The following CBFA2T2 variants were observed in gnomAD, a reference collection of about 807,000 sequenced individuals.
CBFA2T2 encodes the protein CBFA2/RUNX1 partner transcriptional co-repressor 2, also known as protein CBFA2T2.
CBFA2T2 carries 11 observed loss-of-function variants against 62.2 expected under a neutral mutation model. The ratio of observed to expected loss-of-function variants is 0.18; its 90% confidence interval spans 0.11 to 0.29. CBFA2T2 has a LOEUF of 0.29. Among genes scored for constraint, CBFA2T2 ranks in the 10% least tolerant of loss-of-function variants. The pLI is 1.00. For synonymous variants in CBFA2T2, 295 were observed against 287.5 expected, an observed-to-expected ratio of 1.03 and a Z score of -0.27; for missense variants, 592 against 774.1, an observed-to-expected ratio of 0.76 and a Z score of 2.79.
Position 33,506,468 on chromosome 20 carries a change from A to G in CBFA2T2, c.34+16167A>G, listed in dbSNP as rs551754626. Among the ~76,000 whole-genome samples the G allele has an allele frequency of 3.3e-5, 5 of 152,330 alleles. No individual in the cohort carries two copies. In the South Asian group the frequency reaches 8.3e-4, roughly 25 times the overall value. On this transcript the variant is annotated intron_variant, in intron 1 of 10. Coordinates refer to ENST00000342704, the MANE Select transcript of CBFA2T2 (RefSeq NM_001032999.3). ...CTTCCTACACTAAGTGAAACCATTA[A>G]CAACTGTATTATGGAGCTGTTAGAT...
At chr20:33,551,219 CTT>C (rs1167930785) in intron 1 of CBFA2T2, among the ~76,000 whole-genome samples, 14 of 137,584 alleles carry the variant, frequency 1.0e-4, no homozygotes, top group Admixed American at 2.2e-4. Flanking sequence ...ATTTTCTGTG[CTT>C]TTTTTTTTTT....
chr20:33,630,910 C>T (rs902155957), intron 8 of CBFA2T2, among the ~76,000 whole-genome samples: 3 of 152,226 alleles, frequency 2.0e-5, no homozygotes, highest in Non-Finnish European at 1.5e-5. Flanking sequence ...ACCCCACCCA[C>T]AGCAGCAGCT....
At chr20:33,494,243 GTATATATATATATATATA>G (rs869164142) in intron 1 of CBFA2T2, among the ~76,000 whole-genome samples, 1 of 30,308 alleles carries the variant, frequency 3.3e-5, no homozygotes, top group African/African-American at 1.1e-4. Flanking sequence ...ATATATATGT[GTATATATATATATATATA>G]TATATATATA....
At position 33,629,810 on chromosome 20, in the gene CBFA2T2, A is replaced by T. The variant is rs763589402; in HGVS notation, c.1124A>T (p.Asn375Ile). ...RCQESDREEL[N>I]YWKRRYNENT... ...CAGGAATCAGATCGTGAAGAACTCA[A>T]CTACTGGAAAAGACGGTACAATGAA... Residue 375 changes from asparagine to isoleucine, a missense_variant, in exon 8 of 11, where the codon AAC (asparagine) becomes ATC (isoleucine). By Grantham distance (149) the Asn-to-Ile change is moderately radical. Around this residue, in one of 3 missense-constraint regions of CBFA2T2, gnomAD observed 449 missense variants for 551.2 expected, o/e 0.81. Coordinates refer to ENST00000342704, the MANE Select transcript of CBFA2T2 (RefSeq NM_001032999.3). 11 of 1,614,126 alleles carry T rather than the reference A, an allele frequency of 6.8e-6. No individual in the cohort carries two copies. In the South Asian group the frequency reaches 1.2e-4, roughly 18 times the overall value.
At chr20:33,545,012 G>GAATAGAATA (rs2012510081) in intron 1 of CBFA2T2, among the ~76,000 whole-genome samples, 1 of 139,878 alleles carries the variant, frequency 7.1e-6, no homozygotes, top group Non-Finnish European at 1.6e-5. Context: ...GAATAGAATA[G>GAATAGAATA]AACAGAACAG....
chr20:33,576,991 A>ATTTAGTTCAATGCC lies in CBFA2T2; in HGVS notation c.35-29965_35-29964insTTTAGTTCAATGCC, dbSNP rs1400361909. Among the ~76,000 whole-genome samples, 48 of 152,236 alleles carry ATTTAGTTCAATGCC rather than the reference A, an allele frequency of 3.2e-4. 1 individual carries two copies. The highest frequency in any genetic ancestry group is 5.9e-4 in the Non-Finnish European group (40 of 68,038). On this transcript the variant is annotated intron_variant, in intron 1 of 10. Coordinates refer to ENST00000342704, the MANE Select transcript of CBFA2T2 (RefSeq NM_001032999.3). Reference sequence around the variant, plus strand: ...CTGTCCTAATTTTAGTTCAATGCCAAAAAAAGATGGAGCACTCCATAATAG... The same window carrying ATTTAGTTCAATGCC: ...CTGTCCTAATTTTAGTTCAATGCCAATTTAGTTCAATGCCAAAAAGATGGAGCACTCCATAATAG...
chr20:33,498,246 T>G (rs1331042467), intron 1 of CBFA2T2, among the ~76,000 whole-genome samples: 3 of 150,442 alleles, frequency 2.0e-5, no homozygotes, highest in Non-Finnish European at 4.4e-5. Context: ...TAATTTTCTT[T>G]CTTTTTTTTT....
intron 10 of CBFA2T2, 71 bp downstream of exon 10, chr20:33,640,602 C>T (rs998186457): frequency 1.3e-5 from 19 of 1,419,182 alleles, no homozygotes; most frequent in East Asian, 4.6e-5. Context: ...TCCTCTCATA[C>T]GCTGGGCAGG....
chr20:33,549,239 TCCTC>T (rs757433282), intron 1 of CBFA2T2, among the ~76,000 whole-genome samples: 2 of 150,922 alleles, frequency 1.3e-5, no homozygotes, highest in Non-Finnish European at 2.9e-5. Flanking sequence ...GCTTGGGAAA[TCCTC>T]CCTCCATAAA....
At chr20:33,601,421 C>T (rs538930145) in intron 1 of CBFA2T2, among the ~76,000 whole-genome samples, 5 of 152,162 alleles carry the variant, frequency 3.3e-5, no homozygotes, top group South Asian at 2.1e-4. Flanking sequence ...TGTGCCACCA[C>T]GCCCAACTCA....
In CBFA2T2 at chr20:33,627,391, G is replaced by A. The variant is rs118167551; in HGVS notation, c.947-959G>A. Among the ~76,000 whole-genome samples the A allele has an allele frequency of 3.3e-5, 5 of 151,886 alleles. No homozygotes were observed. The East Asian group carries it at 5.8e-4, about 18-fold the overall frequency. The stretch of plus-strand genomic sequence containing the variant: ...CATCCTGGCAACAGAGTGAGACTCC[G>A]TCAAGGGGGGGGAAAAAAACTGGCT... On this transcript the variant is annotated intron_variant, in intron 6 of 10. Transcript: ENST00000342704.
At chr20:33,595,221 T>A (rs116204585) in intron 1 of CBFA2T2, among the ~76,000 whole-genome samples, 3,365 of 152,024 alleles carry the variant, frequency 0.022, 113 homozygotes, top group African/African-American at 0.077. Flanking sequence ...TTGAAAAAAT[T>A]TTTTTTTTGA....
Position 33,640,546 on chromosome 20 carries a change from C to A in CBFA2T2, c.1488+15C>A, listed in dbSNP as rs1167442366. On this transcript the variant is annotated intron_variant, in intron 10 of 10. Transcript: ENST00000342704. ...AGTCCACGGAGGTCAGAGCTCTGCG[C>A]CCTGGGGGCTGGGGTGAGCAGCTGG... 1 of 1,612,966 alleles carries A rather than the reference C, an allele frequency of 6.2e-7. No homozygotes were observed. The highest frequency in any genetic ancestry group is 1.1e-5 in the South Asian group (1 of 91,008).
At chr20:33,542,059 AGTGT>A (rs1005244249) in intron 1 of CBFA2T2, among the ~76,000 whole-genome samples, 10 of 152,094 alleles carry the variant, frequency 6.6e-5, no homozygotes, top group Non-Finnish European at 1.5e-4. Context: ...CTCAAACTTT[AGTGT>A]ATAGAGGAGT....
At position 33,497,728 on chromosome 20, in the gene CBFA2T2, T is replaced by G. The variant is rs2011219442; in HGVS notation, c.34+7427T>G. Among the ~76,000 whole-genome samples, 3 of 152,110 alleles carry G rather than the reference T, an allele frequency of 2.0e-5. No homozygotes were observed. The South Asian group carries it at 6.2e-4, about 31-fold the overall frequency. On this transcript the variant is annotated intron_variant, in intron 1 of 10. Coordinates refer to ENST00000342704, the MANE Select transcript of CBFA2T2 (RefSeq NM_001032999.3). ...CCACGCCCAGCTAATTTTTGTATTT[T>G]TAGTAGAGATGGGGTTTCACCATGT...
At position 33,561,312 on chromosome 20, in the gene CBFA2T2, C is replaced by T. The variant is rs572600243; in HGVS notation, c.35-45644C>T. ...CTGATCTCAAACGCCTGAGCTCAAG[C>T]GACCTGACCACCTTGGCCTCCCAAA... On this transcript the variant is annotated intron_variant, in intron 1 of 10. Coordinates refer to ENST00000342704, the MANE Select transcript of CBFA2T2 (RefSeq NM_001032999.3). Among the ~76,000 whole-genome samples, 15 of 152,298 alleles carry T rather than the reference C, an allele frequency of 9.8e-5. No homozygotes were observed. In the South Asian group the frequency reaches 1.2e-3, roughly 13 times the overall value.
intron 1 of CBFA2T2, among the ~76,000 whole-genome samples, chr20:33,500,368 A>G (rs566147928): frequency 2.0e-5 from 3 of 151,928 alleles, no homozygotes; most frequent in South Asian, 4.2e-4. Flanking sequence ...TTGATTTCCC[A>G]TAATCTTTCT....
At chr20:33,547,787 A>G (rs1442905007) in intron 1 of CBFA2T2, among the ~76,000 whole-genome samples, 1 of 151,988 alleles carries the variant, frequency 6.6e-6, no homozygotes, top group Non-Finnish European at 1.5e-5. Context: ...AAAAATCTGT[A>G]TAGGCACTCC....
intron 1 of CBFA2T2, among the ~76,000 whole-genome samples, chr20:33,554,086 A>AT (rs1366692144): frequency 6.6e-6 from 1 of 151,930 alleles, no homozygotes; most frequent in Non-Finnish European, 1.5e-5. Context: ...AAAAAAGACT[A>AT]TTTTTGCAAC....
Sources: gnomAD v4.1 joint callset for allele counts (sites outside exome capture counted in the v4.1 genomes callset) on GRCh38, gnomAD v4.1.1 for gene constraint, gnomAD v4.1.1 regional missense constraint, MANE v1.5 for transcripts, NCBI Gene and HGNC (gene_info 2026-07-23, HGNC 2026-07-21) for gene names.